Variants in USP53 observed in about 807,000 individuals in gnomAD.
The protein encoded by USP53 is ubiquitin carboxyl-terminal hydrolase 53.
In USP53, 71 loss-of-function variants were observed where a neutral mutation model predicts 94.9. That is an observed-to-expected ratio of 0.75 (90% CI 0.62 to 0.91). USP53 has a LOEUF of 0.91. Ranked by LOEUF, USP53 falls within the 40% of genes least tolerant of loss-of-function variation. The probability of loss-of-function intolerance (pLI) is 0.00; values close to 1 mark genes in which losing one functional copy is unlikely to be tolerated. For synonymous variants in USP53, 375 were observed against 422.7 expected, an observed-to-expected ratio of 0.89 and a Z score of 1.39; for missense variants, 1,173 against 1,281.0, an observed-to-expected ratio of 0.92 and a Z score of 1.29.
chr4:119,288,702 C>T (rs1360911122), intron 17 of USP53, among the ~76,000 whole-genome samples: 3 of 151,930 alleles, frequency 2.0e-5, no homozygotes, highest in South Asian at 2.1e-4. Flanking sequence ...TTTGGGAGGC[C>T]GACGCTGGCG....
At chr4:119,225,262 A>G (rs1377422196) in intron 3 of USP53, among the ~76,000 whole-genome samples, 3 of 152,176 alleles carry the variant, frequency 2.0e-5, no homozygotes, top group Admixed American at 6.5e-5. Flanking sequence ...AGAAAACCTA[A>G]GTAGCCCTTT....
chr4:119,259,881 T>A lies in USP53; in HGVS notation c.631T>A (p.Leu211Met). Residue 211 changes from leucine to methionine, a missense_variant, in exon 10 of 19, where the codon TTG becomes ATG. Leu to Met is a conservative substitution (Grantham distance 15). Coordinates refer to ENST00000692078, the MANE Select transcript of USP53 (RefSeq NM_001371395.1). ...ERFKPEMFAE[L>M]LQAANTTDDY... ...CTTTAAACCTGAAATGTTTGCAGAA[T>A]TGCTACAAGCAGCAAATACAACAGA... 1 of 1,612,582 alleles carries A rather than the reference T, an allele frequency of 6.2e-7. No homozygotes were observed. Among genetic ancestry groups the A allele is most frequent in the Non-Finnish European group, 8.5e-7 (1 of 1,179,252 alleles).
At chr4:119,283,200 T>C (rs551602961) in intron 17 of USP53, among the ~76,000 whole-genome samples, 1 of 151,950 alleles carries the variant, frequency 6.6e-6, no homozygotes, top group Non-Finnish European at 1.5e-5. Flanking sequence ...AATGGAATTG[T>C]AGTGGAGGGA....
intron 5 of USP53, among the ~76,000 whole-genome samples, chr4:119,245,063 G>A (rs941397511): frequency 2.6e-5 from 4 of 152,122 alleles, no homozygotes; most frequent in African/African-American, 9.7e-5. Flanking sequence ...CCTTAATGAG[G>A]AGTTGGTTTT....
rs1035061513 is a variant in USP53, at chr4:119,294,228, T to C, written c.*1017T>C. The C allele has an allele frequency of 1.3e-5, 2 of 152,130 alleles. No individual in the cohort carries two copies. The allele number at this position is 152,130 out of a possible 1,614,324, so 9.4% of individuals were successfully genotyped here. ...TCTTTGCTGTAATATTACCTGCTTA[T>C]AGGTTGTCAACCCATTTTATCTGAA... On this transcript the variant is annotated 3_prime_UTR_variant, in exon 19 of 19. Coordinates refer to ENST00000692078, the MANE Select transcript of USP53 (RefSeq NM_001371395.1).
chr4:119,245,241 C>T (rs926097923), intron 5 of USP53, 96 bp from the exon 6 acceptor site: 43 of 1,079,186 alleles, frequency 4.0e-5, no homozygotes, highest in Non-Finnish European at 5.6e-5. Context: ...GTTACTTGTT[C>T]GCCTTTTGCA....
At chr4:119,251,864 T>G (rs111685978) in intron 7 of USP53, among the ~76,000 whole-genome samples, 4,185 of 152,314 alleles carry the variant, frequency 0.027, 73 homozygotes, top group South Asian at 0.07. Context: ...ATATTGGCTG[T>G]GAGTTTGTCA....
chr4:119,285,539 C>A (rs1182099105), intron 17 of USP53, among the ~76,000 whole-genome samples: 2 of 151,804 alleles, frequency 1.3e-5, no homozygotes, highest in African/African-American at 4.8e-5. Flanking sequence ...GTTTAAAAAT[C>A]TGTTAAGTCC....
At chr4:119,261,958 T>A (rs186577499) in intron 12 of USP53, 94 bp downstream of exon 12, 2 of 1,032,118 alleles carry the variant, frequency 1.9e-6, no homozygotes, top group Non-Finnish European at 2.6e-6. Context: ...AAGGATGATA[T>A]AATTAATATG....
intron 3 of USP53, among the ~76,000 whole-genome samples, chr4:119,228,613 CTG>C (rs1745640034): frequency 6.6e-6 from 1 of 152,118 alleles, no homozygotes. Context: ...AGGTTATTGA[CTG>C]TGAAGGGGCA....
Position 119,271,964 on chromosome 4 carries a change from G to T in USP53, c.2104G>T (p.Asp702Tyr). ...DHISNGSTNL[D>Y]SPVIDGNGTV... is the part of the protein sequence containing the mutation. Reference sequence around the variant, plus strand: ...CATCAGTAATGGTTCTACTAATTTGGACTCACCTGTTATCGATGGAAATGG... The same window carrying T: ...CATCAGTAATGGTTCTACTAATTTGTACTCACCTGTTATCGATGGAAATGG... The change falls in exon 16 of 19, where the codon GAC becomes TAC. Residue 702 changes from aspartate (D) to tyrosine (Y), a missense_variant. Asp to Tyr is a radical substitution (Grantham distance 160). Coordinates refer to ENST00000692078, the MANE Select transcript of USP53 (RefSeq NM_001371395.1). The T allele has an allele frequency of 6.2e-7, 1 of 1,613,790 alleles. No homozygotes were observed. The highest frequency in any genetic ancestry group is 1.1e-5 in the South Asian group (1 of 90,940).
chr4:119,239,733 C>T lies in USP53; in HGVS notation c.-27C>T. The T allele has an allele frequency of 6.3e-7, 1 of 1,593,050 alleles. No individual in the cohort carries two copies. The highest frequency in any genetic ancestry group is 8.5e-7 in the Non-Finnish European group (1 of 1,170,546). On this transcript the variant is annotated 5_prime_UTR_variant, in exon 5 of 19. Transcript: ENST00000692078. ...TTACATAAAAGTGTACAGTTTTTAG[C>T]CTAAATGCAAACAAAGTTGCTTGAA...
chr4:119,227,260 C>T (rs1163807144), intron 3 of USP53, among the ~76,000 whole-genome samples: 2 of 70,798 alleles, frequency 2.8e-5, no homozygotes, highest in African/African-American at 3.7e-5. Context: ...TAACACTACA[C>T]ACACACACAC....
At chr4:119,239,938 T>C (rs1267907324) in intron 5 of USP53, 35 bp downstream of exon 5, 1 of 1,376,754 alleles carries the variant, frequency 7.3e-7, no homozygotes, top group African/African-American at 1.5e-5. Context: ...TTAAAAAAAA[T>C]ACTTTTCAGA....
intron 11 of USP53, among the ~76,000 whole-genome samples, chr4:119,261,079 C>T (rs1481419076): frequency 6.6e-6 from 1 of 150,928 alleles, no homozygotes; most frequent in Non-Finnish European, 1.5e-5. Context: ...CATGCTTCAG[C>T]CTCCCTAGTA....
intron 5 of USP53, among the ~76,000 whole-genome samples, chr4:119,240,750 C>A (rs1474298775): frequency 1.3e-5 from 2 of 152,160 alleles, no homozygotes; most frequent in African/African-American, 4.8e-5. Flanking sequence ...ATATCTGACT[C>A]AGAGCTGTAT....
At chr4:119,243,688 G>A (rs1007338588) in intron 5 of USP53, among the ~76,000 whole-genome samples, 9 of 151,960 alleles carry the variant, frequency 5.9e-5, no homozygotes, top group African/African-American at 1.2e-4. Flanking sequence ...CAGAGTTTTC[G>A]TAATCATAGA....
intron 15 of USP53, among the ~76,000 whole-genome samples, chr4:119,270,443 C>A (rs1389727021): frequency 6.6e-6 from 1 of 152,052 alleles, no homozygotes; most frequent in Non-Finnish European, 1.5e-5. Context: ...TATACTAAAT[C>A]TAAATATGCA....
At chr4:119,278,340 T>G (rs1158329939) in intron 17 of USP53, among the ~76,000 whole-genome samples, 2 of 151,898 alleles carry the variant, frequency 1.3e-5, no homozygotes, top group African/African-American at 4.8e-5. Flanking sequence ...TGAAGTATTT[T>G]ATTTCTCCTT....
Sources: gnomAD v4.1 joint callset for allele counts (sites outside exome capture counted in the v4.1 genomes callset) on GRCh38, gnomAD v4.1.1 for gene constraint, MANE v1.5 for transcripts, NCBI Gene and HGNC (gene_info 2026-07-23, HGNC 2026-07-21) for gene names.